The following CLMN variants were observed in gnomAD, a reference collection of about 807,000 sequenced individuals.
CLMN encodes calmin.
In CLMN, 57 loss-of-function variants were observed where a neutral mutation model predicts 92.7. The observed-to-expected ratio is 0.61, with a 90% CI of 0.50 to 0.77. The LOEUF (loss-of-function observed/expected upper bound fraction) is 0.77, where lower values mean the gene tolerates loss of function less well. Among genes scored for constraint, CLMN ranks in the 30% least tolerant of loss-of-function variants. CLMN has a pLI of 0.00. For synonymous variants in CLMN, 466 were observed against 470.6 expected (o/e 0.99, Z 0.13); for missense variants, 1,158 against 1,237.5 (o/e 0.94, Z 0.96).
intron 5 of CLMN, among the ~76,000 whole-genome samples, chr14:95,214,672 T>C (rs544915203): frequency 1.2e-4 from 18 of 152,140 alleles, no homozygotes; most frequent in Non-Finnish European, 2.2e-4. Flanking sequence ...CTTTTGATGC[T>C]CACCACCTAT....
chr14:95,211,543 G>A (rs987946698), intron 6 of CLMN, among the ~76,000 whole-genome samples: 1 of 151,220 alleles, frequency 6.6e-6, no homozygotes, highest in East Asian at 2.0e-4. Context: ...CTTTTTAAAA[G>A]TAAAAGTGAA....
At chr14:95,234,341 G>A (rs540983426) in intron 1 of CLMN, among the ~76,000 whole-genome samples, 1 of 152,304 alleles carries the variant, frequency 6.6e-6, no homozygotes, top group African/African-American at 2.4e-5. Flanking sequence ...GAAGGTCTGC[G>A]GCTCTTTCAT....
intron 9 of CLMN, among the ~76,000 whole-genome samples, chr14:95,201,864 A>G (rs1351720779): frequency 1.3e-5 from 2 of 152,166 alleles, no homozygotes; most frequent in East Asian, 1.9e-4. Context: ...TTTGCTGAGA[A>G]TGATGGCTTC....
chr14:95,288,239 G>A (rs1900417629), intron 1 of CLMN, among the ~76,000 whole-genome samples: 1 of 152,206 alleles, frequency 6.6e-6, no homozygotes, highest in Non-Finnish European at 1.5e-5. Flanking sequence ...GTGAACAGCT[G>A]CAAACCAGAG....
Position 95,210,779 on chromosome 14 carries a change from G to A in CLMN, c.709C>T (p.Gln237Ter), listed in dbSNP as rs779809764. Residue 237 changes from glutamine (Q) to a stop codon, truncating the protein, a stop_gained, in exon 7 of 13, where the codon CAG (glutamine) becomes TAG (stop). Coordinates refer to ENST00000298912, the MANE Select transcript of CLMN (RefSeq NM_024734.4). LOFTEE classifies it high-confidence loss of function. ...TCTCGTGTGGAATTTTCCAGGGCCT[G>A]TTTCATGTCCACCAGGCTGGGGTCA... ...AIDPSLVDMK[Q>*]ALENSTRENL... 3.7e-6 allele frequency: 6 copies of A among 1,603,488 alleles called. No individual in the cohort carries two copies. Among genetic ancestry groups the A allele is most frequent in the African/African-American group, 2.7e-5 (2 of 73,646 alleles).
chr14:95,234,163 C>G (rs1897975862), intron 1 of CLMN, among the ~76,000 whole-genome samples: 1 of 152,232 alleles, frequency 6.6e-6, no homozygotes, highest in Non-Finnish European at 1.5e-5. Flanking sequence ...CTCCCCTCCA[C>G]AGAATGAGGT....
At chr14:95,291,348 G>A (rs549925337) in intron 1 of CLMN, among the ~76,000 whole-genome samples, 1 of 152,294 alleles carries the variant, frequency 6.6e-6, no homozygotes, top group African/African-American at 2.4e-5. Context: ...CGCCCACATG[G>A]AGCCGCATCC....
At chr14:95,238,433 G>T (rs1898129602) in intron 1 of CLMN, among the ~76,000 whole-genome samples, 1 of 146,738 alleles carries the variant, frequency 6.8e-6, no homozygotes, top group Non-Finnish European at 1.5e-5. Context: ...CCTCCATGTG[G>T]TTTTTCACCA....
intron 1 of CLMN, 81 bp downstream of exon 1, chr14:95,319,630 G>C (rs1901956214): frequency 1.7e-6 from 2 of 1,153,220 alleles, no homozygotes; most frequent in Non-Finnish European, 2.4e-6. Flanking sequence ...GGGGCGGCGC[G>C]GGGGAGTTGC....
At chr14:95,223,677 C>T in intron 3 of CLMN, 83 bp downstream of exon 3, 1 of 1,037,174 alleles carries the variant, frequency 9.6e-7, no homozygotes, top group Non-Finnish European at 1.4e-6. Context: ...AGGATATGTC[C>T]AGGTATTTGT....
chr14:95,226,093 C>T (rs997641376), intron 2 of CLMN, among the ~76,000 whole-genome samples: 1 of 152,190 alleles, frequency 6.6e-6, no homozygotes, highest in Non-Finnish European at 1.5e-5. Context: ...ATCAGAGAGG[C>T]TCAGCTCTTA....
At chr14:95,289,506 TAAACAAACAAAC>T (rs765758306) in intron 1 of CLMN, among the ~76,000 whole-genome samples, 983 of 65,900 alleles carry the variant, frequency 0.015, 12 homozygotes, top group African/African-American at 0.044. Context: ...AATAAATAAA[TAAACAAACAAAC>T]AAACAAAAAA....
intron 1 of CLMN, among the ~76,000 whole-genome samples, 187 bp downstream of exon 1, chr14:95,319,524 G>A (rs1024741879): frequency 6.6e-6 from 1 of 152,090 alleles, no homozygotes; most frequent in African/African-American, 2.4e-5. Flanking sequence ...CTGTAAACCT[G>A]GCCGCGGCTG....
At chr14:95,306,478 C>T (rs956056471) in intron 1 of CLMN, among the ~76,000 whole-genome samples, 2 of 151,996 alleles carry the variant, frequency 1.3e-5, no homozygotes, top group African/African-American at 4.8e-5. Context: ...GAGATCATAC[C>T]ACTGCACAGA....
chr14:95,303,682 G>T (rs2140783790), intron 1 of CLMN, among the ~76,000 whole-genome samples: 1 of 152,302 alleles, frequency 6.6e-6, no homozygotes, highest in South Asian at 2.1e-4. Flanking sequence ...GGTCAAAATG[G>T]AATGAACATA....
At chr14:95,199,923 C>T (rs1187621) in intron 9 of CLMN, among the ~76,000 whole-genome samples, 3 of 151,730 alleles carry the variant, frequency 2.0e-5, no homozygotes, top group East Asian at 1.9e-4. Context: ...CAGGTTAGAG[C>T]GGGAAGAGTC....
chr14:95,305,970 T>A (rs1901258795), intron 1 of CLMN, among the ~76,000 whole-genome samples: 1 of 152,206 alleles, frequency 6.6e-6, no homozygotes, highest in Non-Finnish European at 1.5e-5. Context: ...AGAGTATAAG[T>A]TCATTTTCCC....
intron 8 of CLMN, among the ~76,000 whole-genome samples, chr14:95,207,097 T>A (rs1288358637): frequency 6.6e-6 from 1 of 152,190 alleles, no homozygotes; most frequent in Non-Finnish European, 1.5e-5. Context: ...AATTTTTAAT[T>A]GACAAATAAT....
rs767330491 is a variant in CLMN at position 95,215,764 on chromosome 14, G to A, written c.325-31C>T. ...GGGAAGCAATTTATGAACTTAAAGC[G>A]AGGTGTCCAGGGAGGATAACATATG... On this transcript the variant is annotated intron_variant, in intron 4 of 12. Transcript: ENST00000298912. 5 of 1,517,294 alleles carry A rather than the reference G, an allele frequency of 3.3e-6. No individual in the cohort carries two copies. The East Asian group carries it at 6.8e-5, about 20-fold the overall frequency. The allele number at this position is 1,517,294 out of a possible 1,614,324, so 94.0% of individuals were successfully genotyped here.
Sources: gnomAD v4.1 joint callset for allele counts (sites outside exome capture counted in the v4.1 genomes callset) on GRCh38, gnomAD v4.1.1 for gene constraint, MANE v1.5 for transcripts, NCBI Gene and HGNC (gene_info 2026-07-23, HGNC 2026-07-21) for gene names.